The following ADAMTSL1 variants were observed in gnomAD, a reference collection of about 807,000 sequenced individuals.
ADAMTSL1 encodes ADAMTS like 1.
Under a neutral mutation model 201.8 loss-of-function variants are expected in ADAMTSL1, and 126 were observed. The observed-to-expected ratio is 0.62, with a 90% CI of 0.54 to 0.72. The LOEUF (loss-of-function observed/expected upper bound fraction) is 0.72, where lower values mean the gene tolerates loss of function less well. Ranked by LOEUF, ADAMTSL1 falls within the 30% of genes least tolerant of loss-of-function variation. The probability of loss-of-function intolerance (pLI) is 0.00; values close to 1 mark genes in which losing one functional copy is unlikely to be tolerated. For missense variants in ADAMTSL1, 2,679 were observed against 2,277.8 expected (o/e 1.18, Z -3.59); for synonymous variants, 1,121 against 903.4 (o/e 1.24, Z -4.32).
Position 18,138,616 on chromosome 9 carries a change from C to T in ADAMTSL1, c.88-25246C>T, listed in dbSNP as rs527661486. ...AACACTGACTTTGAAAACACGTTTTCGTAGTGTGACTGTTCTAAATTTACC... is the reference window on the plus strand; with the variant it reads ...AACACTGACTTTGAAAACACGTTTTTGTAGTGTGACTGTTCTAAATTTACC... On this transcript the variant is annotated intron_variant, in intron 1 of 29. Coordinates refer to the ADAMTSL1 transcript ENST00000680146. Among the ~76,000 whole-genome samples the T allele has an allele frequency of 1.0e-3, 157 of 152,206 alleles. 1 individual carries two copies. Among genetic ancestry groups the T allele is most frequent in the African/African-American group, 3.5e-3 (144 of 41,536 alleles).
intron 2 of ADAMTSL1, among the ~76,000 whole-genome samples, chr9:18,438,691 T>C (rs1209854641): frequency 2.0e-5 from 3 of 152,156 alleles, no homozygotes; most frequent in Admixed American, 6.5e-5. Context: ...TGTTGTTGGC[T>C]GCGGCTCCGG....
intron 19 of ADAMTSL1, among the ~76,000 whole-genome samples, chr9:18,791,787 C>A (rs554715126): frequency 6.6e-6 from 1 of 152,094 alleles, no homozygotes; most frequent in East Asian, 1.9e-4. Flanking sequence ...ACTATACAAA[C>A]GCTAAATCTC....
At chr9:18,182,610 G>C (rs1445597056) in intron 2 of ADAMTSL1, among the ~76,000 whole-genome samples, 1 of 152,194 alleles carries the variant, frequency 6.6e-6, no homozygotes, top group African/African-American at 2.4e-5. Context: ...TGGTTGAACT[G>C]CAGAGTGGCA....
At chr9:18,024,028 C>G (rs1820590386) in intron 1 of ADAMTSL1, among the ~76,000 whole-genome samples, 1 of 151,844 alleles carries the variant, frequency 6.6e-6, no homozygotes. Context: ...GCCCCCTTCC[C>G]TCCCTTTCTT....
chr9:17,918,673 A>G (rs756488751), intron 1 of ADAMTSL1, among the ~76,000 whole-genome samples: 21 of 151,740 alleles, frequency 1.4e-4, no homozygotes, highest in Non-Finnish European at 2.5e-4. Flanking sequence ...ATGTTCTTTA[A>G]ATGTCAATCA....
rs372913809 is a variant in ADAMTSL1, at chr9:18,905,856, C to T, written c.4926C>T (p.Ile1642=). Residue 1642 remains isoleucine, a synonymous_variant, in exon 27 of 29, where the codon ATC becomes ATT. Transcript: ENST00000380548. ...TCTTCTGCCAGACACGGGATGGCAT[C>T]ACCTTACCATCAGAGCAGTGCAGTG... is the stretch of plus-strand genomic sequence containing the variant. The part of the protein sequence containing the change: ...RQVFCQTRDG[I]TLPSEQCSAL... 18 of 1,613,270 alleles carry T rather than the reference C, an allele frequency of 1.1e-5. No individual in the cohort carries two copies. The highest frequency in any genetic ancestry group is 1.4e-5 in the Non-Finnish European group (17 of 1,179,646).
intron 9 of ADAMTSL1, among the ~76,000 whole-genome samples, chr9:18,670,371 T>G (rs1242312360): frequency 6.6e-6 from 1 of 152,188 alleles, no homozygotes; most frequent in Non-Finnish European, 1.5e-5. Context: ...AATGAAAAGA[T>G]ACAGAGGTAA....
chr9:18,873,892 G>A (rs1369172950), intron 23 of ADAMTSL1, among the ~76,000 whole-genome samples: 1 of 151,990 alleles, frequency 6.6e-6, no homozygotes, highest in Non-Finnish European at 1.5e-5. Flanking sequence ...TTGGCAGTAT[G>A]GTCATTTTCA....
intron 6 of ADAMTSL1, among the ~76,000 whole-genome samples, chr9:18,637,386 A>T (rs1351227651): frequency 1.3e-5 from 2 of 152,184 alleles, no homozygotes; most frequent in Non-Finnish European, 2.9e-5. Context: ...CAGATACTGA[A>T]ATAAAATATT....
At chr9:18,270,585 T>C (rs1832318351) in intron 2 of ADAMTSL1, among the ~76,000 whole-genome samples, 1 of 152,202 alleles carries the variant, frequency 6.6e-6, no homozygotes, top group Admixed American at 6.5e-5. Flanking sequence ...TTAATATTTT[T>C]ATAATAATCC....
At chr9:18,355,469 A>G (rs1373732343) in intron 2 of ADAMTSL1, among the ~76,000 whole-genome samples, 1 of 152,174 alleles carries the variant, frequency 6.6e-6, no homozygotes, top group African/African-American at 2.4e-5. Flanking sequence ...CATAGCAAGG[A>G]TTCTTAAAAT....
chr9:18,761,784 C>G (rs926606586), intron 16 of ADAMTSL1, among the ~76,000 whole-genome samples: 10 of 152,138 alleles, frequency 6.6e-5, no homozygotes, highest in African/African-American at 2.2e-4. Flanking sequence ...TCTAAAAATG[C>G]CTTTCATCAA....
intron 7 of ADAMTSL1, among the ~76,000 whole-genome samples, chr9:18,649,191 G>A (rs1035046070): frequency 3.3e-5 from 5 of 152,122 alleles, no homozygotes; most frequent in Admixed American, 1.3e-4. Context: ...AGCTCCTGAG[G>A]CTTCTGCATT....
chr9:18,263,304 A>G (rs79465846), intron 2 of ADAMTSL1, among the ~76,000 whole-genome samples: 1 of 151,592 alleles, frequency 6.6e-6, no homozygotes, highest in African/African-American at 2.4e-5. Context: ...CATTATTGAA[A>G]CTCCAGTCAT....
At chr9:18,284,480 C>CAGAATTACT (rs1414196584) in intron 2 of ADAMTSL1, among the ~76,000 whole-genome samples, 3 of 152,014 alleles carry the variant, frequency 2.0e-5, no homozygotes, top group Admixed American at 2.0e-4. Context: ...GTTGCTTCAT[C>CAGAATTACT]AGAATTACTT....
At chr9:18,768,862 G>A (rs1206560834) in intron 16 of ADAMTSL1, among the ~76,000 whole-genome samples, 1 of 152,104 alleles carries the variant, frequency 6.6e-6, no homozygotes, top group Non-Finnish European at 1.5e-5. Context: ...ATTACCATTG[G>A]GTATGGTGAG....
chr9:18,499,475 G>A (rs972734597), intron 1 of ADAMTSL1, among the ~76,000 whole-genome samples: 2 of 152,172 alleles, frequency 1.3e-5, no homozygotes, highest in Non-Finnish European at 1.5e-5. Context: ...AGCTAAAAAT[G>A]GAATCTGCAG....
In ADAMTSL1 at chr9:18,746,121, A is replaced by AT. The variant is rs377473984; in HGVS notation, c.2007-7177_2007-7176insT. On this transcript the variant is annotated intron_variant, in intron 15 of 28. Coordinates refer to ENST00000380548, the MANE Select transcript of ADAMTSL1 (RefSeq NM_001040272.6). ...ACCTCCACTGAAAGCTCAGCTTGAC[A>AT]CCAGTGGAGGTTTTTAATCAGACAA... Among the ~76,000 whole-genome samples the AT allele has an allele frequency of 3.9e-3, 590 of 152,296 alleles. 3 individuals carry two copies. Among genetic ancestry groups the AT allele is most frequent in the African/African-American group, 0.014 (575 of 41,564 alleles).
chr9:18,906,066 G>A (rs559975794), intron 27 of ADAMTSL1, among the ~76,000 whole-genome samples, 175 bp downstream of exon 27: 5 of 152,228 alleles, frequency 3.3e-5, no homozygotes, highest in South Asian at 2.1e-4. Flanking sequence ...ACTCAGTGTC[G>A]GTCTTGTGCT....
Sources: allele counts gnomAD v4.1 joint callset (sites outside exome capture counted in the v4.1 genomes callset), GRCh38; gene constraint gnomAD v4.1.1; transcripts MANE v1.5; gene names NCBI Gene and HGNC (gene_info 2026-07-23, HGNC 2026-07-21).